HADH: variants seen among roughly 807,000 people sequenced by gnomAD.
The protein encoded by HADH is hydroxyacyl-CoA dehydrogenase.
HADH carries 24 observed loss-of-function variants against 32.2 expected under a neutral mutation model. The observed-to-expected ratio is 0.75, with a 90% CI of 0.54 to 1.05. HADH has a LOEUF of 1.05. Ranked by LOEUF, HADH falls within the 50% of genes least tolerant of loss-of-function variation. HADH has a pLI of 0.00. For synonymous variants in HADH, 139 were observed against 152.5 expected (o/e 0.91, Z 0.65); for missense variants, 350 against 397.1 (o/e 0.88, Z 1.01).
Position 108,019,547 on chromosome 4 carries a change from A to T in HADH, c.427A>T (p.Ile143Phe), listed in dbSNP as rs755730411. 6.2e-7 allele frequency: 1 copy of T among 1,613,820 alleles called. No homozygotes were observed. Residue 143 changes from isoleucine to phenylalanine, a missense_variant, in exon 4 of 8, where the codon ATC becomes TTC. By Grantham distance (21) the Ile-to-Phe change is conservative (BLOSUM62 0). Coordinates refer to ENST00000309522, the MANE Select transcript of HADH (RefSeq NM_005327.7). ...TATATTTTCTCTTCACAGACATACA[A>T]TCTTTGCCAGCAACACTTCCTCCTT... Reference protein sequence around the residue: ...RLDKFAAEHTIFASNTSSLQI... With the variant: ...RLDKFAAEHTFFASNTSSLQI...
intron 1 of HADH, among the ~76,000 whole-genome samples, chr4:107,991,758 GTGAGAGTGAGATT>G (rs1184280734): frequency 6.6e-6 from 1 of 152,198 alleles, no homozygotes; most frequent in African/African-American, 2.4e-5. Context: ...TCCCAAGGCT[GTGAGAGTGAGATT>G]TGTTGTGAGC....
chr4:107,995,281 C>G (rs1293357218), intron 1 of HADH, among the ~76,000 whole-genome samples: 1 of 152,168 alleles, frequency 6.6e-6, no homozygotes, highest in Non-Finnish European at 1.5e-5. Flanking sequence ...CACTTAACTC[C>G]TCTCTGCCTC....
chr4:108,020,106 C>T (rs1654840075), intron 4 of HADH, among the ~76,000 whole-genome samples: 2 of 152,094 alleles, frequency 1.3e-5, no homozygotes, highest in South Asian at 4.1e-4. Context: ...TAATTCTGAC[C>T]CCATGTAATG....
At chr4:108,027,136 G>A (rs981825757) in intron 5 of HADH, 7 of 177,806 alleles carry the variant, frequency 3.9e-5, no homozygotes, top group African/African-American at 1.7e-4. Context: ...GCCGAGGAGT[G>A]GCTCCAAGGA....
chr4:108,034,769 A>G lies in HADH; in HGVS notation c.*412A>G, dbSNP rs1257185717. 2.9e-6 allele frequency: 1 copy of G among 342,056 alleles called. No homozygotes were observed. The highest frequency in any genetic ancestry group is 2.4e-5 in the South Asian group (1 of 42,442). The allele number at this position is 342,056 out of a possible 1,614,324, so 21.2% of individuals were successfully genotyped here. ...CACAAGCCACTGGCAAGCAAGTGGT[A>G]TAGTCTGTGAAGCACTGCAGCGAGC... is the stretch of plus-strand genomic sequence containing the variant. On this transcript the variant is annotated 3_prime_UTR_variant, in exon 8 of 8. Coordinates refer to ENST00000309522, the MANE Select transcript of HADH (RefSeq NM_005327.7).
intron 1 of HADH, among the ~76,000 whole-genome samples, chr4:108,007,738 A>C (rs2126225149): frequency 6.6e-6 from 1 of 152,344 alleles, no homozygotes; most frequent in African/African-American, 2.4e-5. Context: ...TTAATCAAAG[A>C]ACATTGGACC....
intron 2 of HADH, among the ~76,000 whole-genome samples, chr4:108,012,557 G>A (rs1028568161): frequency 7.9e-5 from 12 of 152,174 alleles, no homozygotes; most frequent in Admixed American, 4.6e-4. Context: ...GTCTTGATTG[G>A]CTAGCAACTT....
At chr4:108,034,059 G>T (rs2126242244) in intron 7 of HADH, among the ~76,000 whole-genome samples, 180 bp from the exon 8 acceptor site, 1 of 152,370 alleles carries the variant, frequency 6.6e-6, no homozygotes, top group Admixed American at 6.5e-5. Context: ...CAGCTTTGGG[G>T]CTGATGTGGC....
intron 1 of HADH, among the ~76,000 whole-genome samples, chr4:108,002,564 GC>G (rs1197174805): frequency 2.0e-5 from 3 of 152,130 alleles, no homozygotes; most frequent in Non-Finnish European, 2.9e-5. Flanking sequence ...TCAATGTAAT[GC>G]ACTTGAATCA....
At chr4:107,996,784 T>G (rs1734969810) in intron 1 of HADH, among the ~76,000 whole-genome samples, 1 of 151,954 alleles carries the variant, frequency 6.6e-6, no homozygotes, top group African/African-American at 2.4e-5. Context: ...GTCCCAGCTA[T>G]TCAGGAGACT....
intron 4 of HADH, among the ~76,000 whole-genome samples, chr4:108,021,047 T>A (rs1735869707): frequency 6.6e-6 from 1 of 152,096 alleles, no homozygotes; most frequent in Admixed American, 6.5e-5. Context: ...TTCCTCCTAT[T>A]TTCTCCTATC....
At position 108,033,297 on chromosome 4, in the gene HADH, G is replaced by A. The variant is rs754386267; in HGVS notation, c.826+5G>A. 7.2e-7 allele frequency: 1 copy of A among 1,390,820 alleles called. No homozygotes were observed. The highest frequency in any genetic ancestry group is 1.2e-5 in the South Asian group (1 of 86,620). The allele number at this position is 1,390,820 out of a possible 1,614,324, so 86.2% of individuals were successfully genotyped here. A position where few individuals can be genotyped will look rare whatever the true frequency, so the allele number is the denominator to read the frequency against. On this transcript the variant is annotated splice_donor_5th_base_variant and intron_variant, in intron 7 of 7. Transcript: ENST00000309522. Reference sequence around the variant, plus strand: ...CTACGAAGTTCATCGTGGATGGTAGGAATTGGAATTTTTTGTTGTCTTTAA... The same window carrying A: ...CTACGAAGTTCATCGTGGATGGTAGAAATTGGAATTTTTTGTTGTCTTTAA...
chr4:108,003,911 C>T (rs1442883602), intron 1 of HADH, among the ~76,000 whole-genome samples: 1 of 152,086 alleles, frequency 6.6e-6, no homozygotes, highest in Non-Finnish European at 1.5e-5. Flanking sequence ...ACCCTCCCAA[C>T]AACCCTGTTG....
rs550571073 is a variant in HADH, at chr4:107,996,879, G to A, written c.132+6815G>A. 2.8e-3 allele frequency among the ~76,000 whole-genome samples: 416 copies of A among 146,988 alleles called. 1 individual carries two copies. Among genetic ancestry groups the A allele is most frequent in the Non-Finnish European group, 4.4e-3 (300 of 67,434 alleles). On this transcript the variant is annotated intron_variant, in intron 1 of 7. Transcript: ENST00000309522. ...ACTACACTGCAGCCTGGCCAACAGAGCAAGACTCCTTCTCAAAAAAAAAAA... is the reference window on the plus strand; with the variant it reads ...ACTACACTGCAGCCTGGCCAACAGAACAAGACTCCTTCTCAAAAAAAAAAA...
intron 1 of HADH, chr4:108,004,901 A>G (rs1356150955): frequency 6.5e-7 from 1 of 1,535,732 alleles, no homozygotes; most frequent in Non-Finnish European, 8.7e-7. Flanking sequence ...CCCAGCTGGG[A>G]GGCTATTGTT....
chr4:108,009,680 GT>G, intron 1 of HADH, 78 bp from the exon 2 acceptor site: 3 of 1,226,096 alleles, frequency 2.4e-6, no homozygotes, highest in Non-Finnish European at 3.6e-6. Context: ...AAATGCCACT[GT>G]TTTTTGGGGT....
intron 4 of HADH, among the ~76,000 whole-genome samples, chr4:108,022,067 G>T (rs1735901689): frequency 6.6e-6 from 1 of 152,214 alleles, no homozygotes; most frequent in African/African-American, 2.4e-5. Context: ...TTCCAGAGAA[G>T]AGAGGTGAGG....
rs932756790 is a variant in HADH, at chr4:108,034,818, A to G, written c.*461A>G. 2 of 274,002 alleles carry G rather than the reference A, an allele frequency of 7.3e-6. No individual in the cohort carries two copies. The highest frequency in any genetic ancestry group is 1.4e-5 in the Non-Finnish European group (2 of 139,934). 17.0% of individuals were successfully genotyped at this position (274,002 alleles called of 1,614,324 possible). The stretch of plus-strand genomic sequence containing the variant: ...GCAGCACCTGGATCTTGCCTTTATA[A>G]GAACATTTTACTACCTGCAGCTTTG... On this transcript the variant is annotated 3_prime_UTR_variant, in exon 8 of 8. Transcript: ENST00000309522.
chr4:108,009,686 TG>T, intron 1 of HADH, 72 bp from the exon 2 acceptor site: 2 of 1,270,410 alleles, frequency 1.6e-6, no homozygotes, highest in Non-Finnish European at 2.3e-6. Context: ...CACTGTTTTT[TG>T]GGGTGGGGTG....
Sources: allele counts gnomAD v4.1 joint callset (sites outside exome capture counted in the v4.1 genomes callset), GRCh38; gene constraint gnomAD v4.1.1; transcripts MANE v1.5; gene names NCBI Gene and HGNC (gene_info 2026-07-23, HGNC 2026-07-21).